Variants in PICALM observed in about 807,000 individuals in gnomAD.
PICALM encodes phosphatidylinositol-binding clathrin assembly protein.
PICALM carries 40 observed loss-of-function variants against 80.5 expected under a neutral mutation model. The ratio of observed to expected loss-of-function variants is 0.50; its 90% confidence interval spans 0.39 to 0.65. PICALM has a LOEUF of 0.65. Among genes scored for constraint, PICALM ranks in the 30% least tolerant of loss-of-function variants. The pLI is 0.00. For synonymous variants in PICALM, 288 were observed against 260.3 expected (o/e 1.11, Z -1.02); for missense variants, 676 against 778.9 (o/e 0.87, Z 1.57).
At chr11:86,056,081 G>A (rs1396813678) in intron 1 of PICALM, among the ~76,000 whole-genome samples, 1 of 132,358 alleles carries the variant, frequency 7.6e-6, no homozygotes. Flanking sequence ...GTTGCAGTGA[G>A]CCAAGATCAC....
chr11:85,976,681 G>A lies in PICALM; in HGVS notation c.1781C>T (p.Ala594Val). The A allele has an allele frequency of 6.3e-7, 1 of 1,580,412 alleles. No homozygotes were observed. The highest frequency in any genetic ancestry group is 8.7e-7 in the Non-Finnish European group (1 of 1,149,852). The change falls in exon 18 of 20, where the codon GCA becomes GTA. Residue 594 changes from alanine to valine, a missense_variant and splice_region_variant. Physicochemically the swap from Ala to Val is moderately conservative, Grantham distance 64 (BLOSUM62 0). Coordinates refer to ENST00000393346, the MANE Select transcript of PICALM (RefSeq NM_007166.4). ...AGCAGGATAGGCCATTACAGGGGGT[G>A]CCTAACATAGTGAAAGGAAAAATGA... ...PTTAWNAATM[A>V]PPVMAYPATT...
chr11:86,036,588 A>C (rs957437391), intron 1 of PICALM, among the ~76,000 whole-genome samples: 6 of 152,198 alleles, frequency 3.9e-5, no homozygotes, highest in African/African-American at 1.4e-4. Flanking sequence ...TGGCTTTTAG[A>C]ACAATACTAA....
At chr11:85,961,083 TG>T (rs1270858188) in intron 19 of PICALM, among the ~76,000 whole-genome samples, 7 of 42,132 alleles carry the variant, frequency 1.7e-4, no homozygotes, top group Admixed American at 2.8e-4. Flanking sequence ...AATGTGTGTA[TG>T]GGGGGTGGTG....
At chr11:86,028,969 C>A (rs2136696216) in intron 2 of PICALM, among the ~76,000 whole-genome samples, 1 of 151,918 alleles carries the variant, frequency 6.6e-6, no homozygotes, top group Non-Finnish European at 1.5e-5. Flanking sequence ...TCCTGAGTAG[C>A]TGGGATTACA....
chr11:86,003,547 G>A lies in PICALM; in HGVS notation c.808-96C>T, dbSNP rs144431974. On this transcript the variant is annotated intron_variant, in intron 8 of 19. Coordinates refer to ENST00000393346, the MANE Select transcript of PICALM (RefSeq NM_007166.4). ...AATTAGAGAGCAACAAAAATAAACA[G>A]GTATGTTCTTCATGTACTAATTAAC... The A allele has an allele frequency of 6.6e-4, 422 of 642,770 alleles. No individual in the cohort carries two copies. The African/African-American group carries it at 6.9e-3, about 10-fold the overall frequency. The allele number at this position is 642,770 out of a possible 1,614,324, so 39.8% of individuals were successfully genotyped here.
chr11:86,035,054 A>G lies in PICALM; in HGVS notation c.131-3443T>C, dbSNP rs2095816568. On this transcript the variant is annotated intron_variant, in intron 1 of 19. Transcript: ENST00000393346. ...AATTTAATACACGTTCTCGACTGAA[A>G]ACTAATTAAAAACAAAAACAATAGA... is the stretch of plus-strand genomic sequence containing the variant. 1.3e-5 allele frequency among the ~76,000 whole-genome samples: 2 copies of G among 152,224 alleles called. 1 individual carries two copies. The highest frequency in any genetic ancestry group is 4.1e-4 in the South Asian group (2 of 4,832).
chr11:85,966,064 C>T (rs2093883974), intron 19 of PICALM, among the ~76,000 whole-genome samples: 1 of 152,050 alleles, frequency 6.6e-6, no homozygotes, highest in Non-Finnish European at 1.5e-5. Flanking sequence ...ATCTGCACCC[C>T]TCCCCCAGCC....
At chr11:86,000,567 TGA>T (rs1378419836) in intron 11 of PICALM, 74 bp downstream of exon 11, 1 of 1,226,284 alleles carries the variant, frequency 8.2e-7, no homozygotes, top group Non-Finnish European at 1.1e-6. Context: ...AAAGTAAACC[TGA>T]AAAGTTCTGC....
chr11:86,050,204 CAAAAAAAAAA>C (rs766728047), intron 1 of PICALM, among the ~76,000 whole-genome samples: 3 of 81,818 alleles, frequency 3.7e-5, no homozygotes, highest in African/African-American at 1.6e-4. Flanking sequence ...GACTCTGTCT[CAAAAAAAAAA>C]AAAAAAAAAA....
intron 4 of PICALM, among the ~76,000 whole-genome samples, chr11:86,021,284 G>A (rs546039874): frequency 2.8e-4 from 42 of 152,196 alleles, no homozygotes; most frequent in South Asian, 1.2e-3. Context: ...ACAGGAGGTC[G>A]ACACTGCAGT....
chr11:86,003,032 T>C (rs2095186832), intron 9 of PICALM, among the ~76,000 whole-genome samples: 1 of 151,804 alleles, frequency 6.6e-6, no homozygotes, highest in Non-Finnish European at 1.5e-5. Context: ...AAAAAAAATG[T>C]ATCTTATAAC....
intron 4 of PICALM, among the ~76,000 whole-genome samples, chr11:86,016,447 A>G (rs1248377654): frequency 1.3e-5 from 2 of 152,190 alleles, no homozygotes; most frequent in Non-Finnish European, 2.9e-5. Context: ...CAACTCCACC[A>G]CTACCCACAT....
At chr11:86,009,483 G>A (rs1268850457) in intron 7 of PICALM, among the ~76,000 whole-genome samples, 2 of 151,834 alleles carry the variant, frequency 1.3e-5, no homozygotes, top group African/African-American at 2.4e-5. Context: ...CCTGAGGTCA[G>A]GAGTTCAAGA....
rs565218674 is a variant in PICALM at position 85,979,491 on chromosome 11, A to C, written c.1779+1638T>G. ...GGCAAAAGAGCAAGACTCCGTCACAAAAAAAAAAAAAATACAAAATAATAA... is the reference window on the plus strand; with the variant it reads ...GGCAAAAGAGCAAGACTCCGTCACACAAAAAAAAAAAATACAAAATAATAA... On this transcript the variant is annotated intron_variant, in intron 17 of 19. Transcript: ENST00000393346. Among the ~76,000 whole-genome samples, 10 of 148,654 alleles carry C rather than the reference A, an allele frequency of 6.7e-5. No individual in the cohort carries two copies. In the South Asian group the frequency reaches 1.3e-3, roughly 19 times the overall value.
chr11:86,055,612 G>A (rs1001364483), intron 1 of PICALM, among the ~76,000 whole-genome samples: 3 of 151,752 alleles, frequency 2.0e-5, no homozygotes, highest in African/African-American at 7.2e-5. Flanking sequence ...ATTACACAGA[G>A]GTAGTAGAGT....
At chr11:86,016,918 C>G (rs937226610) in intron 4 of PICALM, among the ~76,000 whole-genome samples, 4 of 152,100 alleles carry the variant, frequency 2.6e-5, no homozygotes, top group Non-Finnish European at 5.9e-5. Flanking sequence ...AACTATATTT[C>G]TATTTAAAAA....
Position 85,983,964 on chromosome 11 carries a change from G to A in PICALM, c.1418C>T (p.Pro473Leu), listed in dbSNP as rs2094511396. ...AGGGTGTGGCTGTGCAACTGGAGAAGGAGTGAATCCTGAGTAAACCAAAAT... is the reference window on the plus strand; with the variant it reads ...AGGGTGTGGCTGTGCAACTGGAGAAAGAGTGAATCCTGAGTAAACCAAAAT... ...PTHEMFVGFT[P>L]SPVAQPHPSA... is the part of the protein sequence containing the mutation. The change falls in exon 14 of 20, where the codon CCT (proline) becomes CTT (leucine). Residue 473 changes from proline to leucine, a missense_variant. This residue lies in a region of PICALM where 391 missense variants were observed against 383.6 expected (regional missense o/e 1.02). Coordinates refer to ENST00000393346, the MANE Select transcript of PICALM (RefSeq NM_007166.4). The A allele has an allele frequency of 6.4e-7, 1 of 1,565,150 alleles. No individual in the cohort carries two copies. The highest frequency in any genetic ancestry group is 8.8e-7 in the Non-Finnish European group (1 of 1,138,396).
chr11:86,008,952 C>CAAAAAAAAAAAA (rs59740555), intron 7 of PICALM, among the ~76,000 whole-genome samples: 2 of 62,838 alleles, frequency 3.2e-5, no homozygotes, highest in Non-Finnish European at 6.2e-5. Context: ...AAAAAAAAGC[C>CAAAAAAAAAAAA]AAAAAAAAAA....
intron 1 of PICALM, among the ~76,000 whole-genome samples, chr11:86,035,801 A>G (rs2095831685): frequency 6.6e-6 from 1 of 151,486 alleles, no homozygotes; most frequent in South Asian, 2.1e-4. Context: ...CACAAAAATT[A>G]GCCGGGCATG....
Sources: allele counts gnomAD v4.1 joint callset (sites outside exome capture counted in the v4.1 genomes callset), GRCh38; gene constraint gnomAD v4.1.1; regional missense constraint gnomAD v4.1.1; transcripts MANE v1.5; gene names NCBI Gene and HGNC (gene_info 2026-07-23, HGNC 2026-07-21).